Variants in CCND3 observed in about 807,000 individuals in gnomAD.
The protein encoded by CCND3 is G1/S-specific cyclin-D3.
CCND3 carries 9 observed loss-of-function variants against 28.7 expected under a neutral mutation model. The ratio of observed to expected loss-of-function variants is 0.31; its 90% confidence interval spans 0.19 to 0.55. CCND3 has a LOEUF of 0.55. Among genes scored for constraint, CCND3 ranks in the 20% least tolerant of loss-of-function variants. CCND3 has a pLI of 0.93. For synonymous variants in CCND3, 164 were observed against 163.9 expected, an observed-to-expected ratio of 1.00 and a Z score of 0.00; for missense variants, 315 against 385.8, an observed-to-expected ratio of 0.82 and a Z score of 1.54.
Position 41,935,020 on chromosome 6 carries a change from C to T in CCND3, c.*920G>A, listed in dbSNP as rs1775720803. 8.6e-6 allele frequency: 2 copies of T among 232,928 alleles called. No individual in the cohort carries two copies. Among genetic ancestry groups the T allele is most frequent in the East Asian group, 1.2e-4 (2 of 16,530 alleles). 14.4% of individuals were successfully genotyped at this position (232,928 alleles called of 1,614,324 possible). A position where few individuals can be genotyped will look rare whatever the true frequency, so the allele number is the denominator to read the frequency against. On this transcript the variant is annotated 3_prime_UTR_variant, in exon 5 of 5. Transcript: ENST00000372991. ...GGGCCACCAGCCTAAACCTTGCAGC[C>T]TTAGGAAAGACCTGTGTCAACAGGG...
At chr6:42,001,161 G>C (rs927311403) in intron 1 of CCND3, among the ~76,000 whole-genome samples, 2 of 150,278 alleles carry the variant, frequency 1.3e-5, no homozygotes, top group Non-Finnish European at 3.0e-5. Flanking sequence ...CTTGAACCTA[G>C]GAGGTGGAGG....
chr6:41,947,159 T>C (rs1440776411), intron 1 of CCND3, among the ~76,000 whole-genome samples: 2 of 151,544 alleles, frequency 1.3e-5, no homozygotes, highest in African/African-American at 2.4e-5. Context: ...AGGTAGAGGT[T>C]GCAGTGAGCT....
chr6:41,961,608 C>T (rs1397149359), intron 1 of CCND3, among the ~76,000 whole-genome samples: 1 of 151,992 alleles, frequency 6.6e-6, no homozygotes, highest in African/African-American at 2.4e-5. Flanking sequence ...TAACAGTCCT[C>T]GCTTACGTTA....
rs368675959 is a variant in CCND3, at chr6:41,956,898, G to T, written c.-45-16313C>A. On this transcript the variant is annotated intron_variant, in intron 1 of 4. Transcript: ENST00000372988. Reference sequence around the variant, plus strand: ...AAAAAAAAATTAGCCGGGCGTGGTGGCAGGCGCCTGTATTCCCAGCTGCTG... The same window carrying T: ...AAAAAAAAATTAGCCGGGCGTGGTGTCAGGCGCCTGTATTCCCAGCTGCTG... 5.6e-4 allele frequency among the ~76,000 whole-genome samples: 85 copies of T among 152,264 alleles called. No individual in the cohort carries two copies. In the South Asian group the frequency reaches 0.017, roughly 30 times the overall value.
At chr6:42,027,870 C>A (rs187400094) in intron 1 of CCND3, among the ~76,000 whole-genome samples, 295 of 152,258 alleles carry the variant, frequency 1.9e-3, no homozygotes, top group Non-Finnish European at 2.0e-3. Context: ...GCCTCAGCCT[C>A]CCAAGTAGCT....
At chr6:42,000,028 A>G (rs1025963177) in intron 1 of CCND3, among the ~76,000 whole-genome samples, 8 of 123,074 alleles carry the variant, frequency 6.5e-5, no homozygotes, top group Non-Finnish European at 1.2e-4. Context: ...TGATGTAGAT[A>G]TATTTATATA....
chr6:42,031,048 A>G (rs573409149), intron 1 of CCND3, among the ~76,000 whole-genome samples: 2 of 152,020 alleles, frequency 1.3e-5, no homozygotes, highest in Non-Finnish European at 2.9e-5. Flanking sequence ...CAGCTGCTGC[A>G]TGTTCCTTAT....
At chr6:41,978,108 C>T (rs1005640653) in intron 1 of CCND3, among the ~76,000 whole-genome samples, 2 of 151,928 alleles carry the variant, frequency 1.3e-5, no homozygotes, top group Admixed American at 6.6e-5. Flanking sequence ...GGCGTGGTGG[C>T]TCATGCCTGT....
chr6:42,007,171 T>C (rs141366706), intron 1 of CCND3, among the ~76,000 whole-genome samples: 2,792 of 152,356 alleles, frequency 0.018, 27 homozygotes, highest in Non-Finnish European at 0.028. Context: ...AAGTCAATTT[T>C]AACATTTGAA....
intron 1 of CCND3, among the ~76,000 whole-genome samples, chr6:41,996,138 A>ATT (rs35969401): frequency 9.8e-6 from 1 of 102,432 alleles, no homozygotes; most frequent in South Asian, 3.1e-4. Context: ...ATATATATAT[A>ATT]TTTTTTTTGT....
intron 1 of CCND3, among the ~76,000 whole-genome samples, chr6:42,009,781 T>TA (rs1237449060): frequency 6.6e-6 from 1 of 152,078 alleles, no homozygotes; most frequent in African/African-American, 2.4e-5. Flanking sequence ...AACTCCAGCC[T>TA]AGGTGATAGA....
intron 1 of CCND3, among the ~76,000 whole-genome samples, chr6:41,953,586 C>CA (rs1391080309): frequency 6.6e-6 from 1 of 152,048 alleles, no homozygotes; most frequent in Non-Finnish European, 1.5e-5. Context: ...TGTGACCCAA[C>CA]AGACCACTCC....
Position 41,941,253 on chromosome 6 carries a change from C to A in CCND3, c.198+199G>T. Reference sequence around the variant, plus strand: ...TAGGGTGCCAAGTGACTGGCAGTCACTGTCGGGAGGAGCCGATTAGGGCTC... The same window carrying A: ...TAGGGTGCCAAGTGACTGGCAGTCAATGTCGGGAGGAGCCGATTAGGGCTC... On this transcript the variant is annotated intron_variant, in intron 1 of 4. Coordinates refer to ENST00000372991, the MANE Select transcript of CCND3 (RefSeq NM_001760.5). This position sits in a 1 kb window ranked among gnomAD's most constrained non-coding sequence, Gnocchi z 6.1. 1 of 1,434,084 alleles carries A rather than the reference C, an allele frequency of 7.0e-7. No homozygotes were observed. 88.8% of individuals were successfully genotyped at this position (1,434,084 alleles called of 1,614,324 possible). A position where few individuals can be genotyped will look rare whatever the true frequency, so the allele number is the denominator to read the frequency against.
chr6:41,942,740 T>G (rs949106904), upstream of CCND3, among the ~76,000 whole-genome samples: 5 of 152,116 alleles, frequency 3.3e-5, no homozygotes, highest in African/African-American at 1.2e-4. Flanking sequence ...TAGATTCCAC[T>G]TGACGAAGAG....
intron 1 of CCND3, among the ~76,000 whole-genome samples, chr6:42,014,347 A>G (rs981736891): frequency 8.0e-5 from 12 of 150,748 alleles, no homozygotes; most frequent in Admixed American, 6.6e-4. Flanking sequence ...CAGCCTGGGC[A>G]ACAGCGAGAC....
chr6:41,967,411 T>A (rs904178519), intron 1 of CCND3, among the ~76,000 whole-genome samples: 2 of 152,240 alleles, frequency 1.3e-5, no homozygotes, highest in Non-Finnish European at 2.9e-5. Context: ...ATTTGATTCC[T>A]ACCTCTGTCA....
At chr6:42,047,451 G>C (rs983083922) in intron 1 of CCND3, among the ~76,000 whole-genome samples, 3 of 152,192 alleles carry the variant, frequency 2.0e-5, no homozygotes, top group African/African-American at 7.2e-5. Context: ...TCCACGTCTG[G>C]TCCCAAAGAG....
intron 1 of CCND3, among the ~76,000 whole-genome samples, chr6:42,046,232 A>G (rs1764540035): frequency 6.6e-6 from 1 of 152,184 alleles, no homozygotes; most frequent in South Asian, 2.1e-4. Flanking sequence ...GAGGTGGAAA[A>G]GGGGCTGGAA....
chr6:41,940,998 A>G (rs1475387089), intron 1 of CCND3: 4 of 1,612,380 alleles, frequency 2.5e-6, no homozygotes, highest in Non-Finnish European at 3.4e-6. Context: ...TGCACTTTTC[A>G]TTTCCCTGTC....
Sources: allele counts gnomAD v4.1 joint callset (sites outside exome capture counted in the v4.1 genomes callset), GRCh38; gene constraint gnomAD v4.1.1; non-coding constraint Gnocchi (gnomAD v3.1); transcripts MANE v1.5; gene names NCBI Gene and HGNC (gene_info 2026-07-23, HGNC 2026-07-21).